LINGO3: variants seen among roughly 807,000 people sequenced by gnomAD.
The protein encoded by LINGO3 is leucine-rich repeat and immunoglobulin-like domain-containing nogo receptor-interacting protein 3.
For missense variants in LINGO3, 750 were observed against 867.7 expected, an observed-to-expected ratio of 0.86 and a Z score of 1.70; for synonymous variants, 427 against 444.2, an observed-to-expected ratio of 0.96 and a Z score of 0.49.
downstream of LINGO3, among the ~76,000 whole-genome samples, chr19:2,288,613 G>A (rs987146071): frequency 2.6e-5 from 4 of 152,328 alleles, no homozygotes; most frequent in East Asian, 3.9e-4. This position sits in a 1 kb window ranked among gnomAD's most constrained non-coding sequence, Gnocchi z 6.5. Flanking sequence ...ACGTGGCAGC[G>A]GAGGGAGGCG....
At chr19:2,306,383 C>T in the LINGO3 span, among the ~76,000 whole-genome samples, 2 of 152,352 alleles carry the variant, frequency 1.3e-5, no homozygotes, top group East Asian at 1.9e-4. Context: ...CCGGGGCCAA[C>T]TTTGCTCGCA....
At chr19:2,288,555 A>T (rs1245878322), downstream of LINGO3, among the ~76,000 whole-genome samples, 1 of 152,034 alleles carries the variant, frequency 6.6e-6, no homozygotes, top group Non-Finnish European at 1.5e-5. This position sits in a 1 kb window ranked among gnomAD's most constrained non-coding sequence, Gnocchi z 6.5. Context: ...CAGGGTGGCC[A>T]CCTCTCCCTT....
At chr19:2,305,444 G>A in the LINGO3 span, among the ~76,000 whole-genome samples, 1 of 152,070 alleles carries the variant, frequency 6.6e-6, no homozygotes, top group African/African-American at 2.4e-5. Flanking sequence ...TAGAACAGAG[G>A]TGGCCCTACC....
At chr19:2,302,789 C>T in the LINGO3 span, among the ~76,000 whole-genome samples, 12 of 152,214 alleles carry the variant, frequency 7.9e-5, no homozygotes, top group African/African-American at 2.4e-4. Context: ...GGGGCCGGGC[C>T]GGCGGCAGGG....
chr19:2,292,189 T>TAAA (rs111650972), upstream of LINGO3, among the ~76,000 whole-genome samples: 18 of 142,638 alleles, frequency 1.3e-4, no homozygotes, highest in East Asian at 1.5e-3. Flanking sequence ...CCCCTGTCTC[T>TAAA]TAAAAAAAAA....
At position 2,290,052 on chromosome 19, in the gene LINGO3, C is replaced by T. The variant is rs1568411373; in HGVS notation, c.1725G>A (p.Pro575=). 6.4e-7 allele frequency: 1 copy of T among 1,554,734 alleles called. No individual in the cohort carries two copies. The highest frequency in any genetic ancestry group is 8.7e-7 in the Non-Finnish European group (1 of 1,149,960). ...CGCCTCCCTGGCCCGCCGCGGCGGC[C>T]GGCCCATCCACCTTGCGGAAGGAGT... Residue 575 remains proline (P), a synonymous_variant, in exon 1 of 1, where the codon CCG becomes CCA. Transcript: ENST00000585527. This position sits in a 1 kb window ranked among gnomAD's most constrained non-coding sequence, Gnocchi z 6.0.
At chr19:2,300,227 T>A in the LINGO3 span, among the ~76,000 whole-genome samples, 6 of 151,668 alleles carry the variant, frequency 4.0e-5, no homozygotes, top group African/African-American at 1.5e-4. Context: ...AGACGGGGTT[T>A]CACCTTGTTG....
the LINGO3 span, among the ~76,000 whole-genome samples, chr19:2,299,462 C>A: frequency 1.3e-5 from 2 of 151,730 alleles, no homozygotes; most frequent in Non-Finnish European, 2.9e-5. Context: ...CTCGCTCTGT[C>A]GCCCAGGCTG....
chr19:2,297,735 G>A, the LINGO3 span, among the ~76,000 whole-genome samples: 1 of 151,388 alleles, frequency 6.6e-6, no homozygotes, highest in Non-Finnish European at 1.5e-5. Flanking sequence ...CTACCAAGTA[G>A]CTGGGATTAC....
At chr19:2,305,908 C>T in the LINGO3 span, among the ~76,000 whole-genome samples, 8 of 152,246 alleles carry the variant, frequency 5.3e-5, no homozygotes, top group African/African-American at 1.7e-4. Context: ...CCCCTGCATC[C>T]TCTGCCCTAG....
chr19:2,287,837 G>C (rs929408966), downstream of LINGO3, among the ~76,000 whole-genome samples: 1 of 152,238 alleles, frequency 6.6e-6, no homozygotes, highest in Non-Finnish European at 1.5e-5. This position sits in a 1 kb window ranked among gnomAD's most constrained non-coding sequence, Gnocchi z 4.5. Context: ...GGCAGGAGCA[G>C]AGCTGCTTTT....
chr19:2,287,825 C>T (rs993026517), downstream of LINGO3, among the ~76,000 whole-genome samples: 6 of 152,278 alleles, frequency 3.9e-5, no homozygotes, highest in East Asian at 1.9e-4. The surrounding 1 kb of genome is among the most constrained non-coding windows in gnomAD (Gnocchi z 4.5). Flanking sequence ...ATCACATAGC[C>T]GGGCAGGAGC....
At chr19:2,295,267 G>C (rs367686527), upstream of LINGO3, among the ~76,000 whole-genome samples, 2 of 152,110 alleles carry the variant, frequency 1.3e-5, no homozygotes, top group African/African-American at 4.8e-5. Flanking sequence ...CACAGGCAAC[G>C]GCCAAGTCAC....
chr19:2,298,306 C>G, the LINGO3 span, among the ~76,000 whole-genome samples: 1 of 152,028 alleles, frequency 6.6e-6, no homozygotes, highest in East Asian at 1.9e-4. Context: ...TCTCGGCTCA[C>G]TGCAGCCTCC....
Position 2,290,715 on chromosome 19 carries a change from C to T in LINGO3, c.1062G>A (p.Leu354=). 1 of 1,612,360 alleles carries T rather than the reference C, an allele frequency of 6.2e-7. No individual in the cohort carries two copies. Among genetic ancestry groups the T allele is most frequent in the Non-Finnish European group, 8.5e-7 (1 of 1,179,606 alleles). The change falls in exon 1 of 1, where the codon CTG becomes CTA. Residue 354 remains leucine (L), a synonymous_variant. Coordinates refer to ENST00000585527, the Ensembl canonical transcript of LINGO3. The surrounding 1 kb of genome is among the most constrained non-coding windows in gnomAD (Gnocchi z 6.0). ...TCCACAGCAGGCGACAGTCGCAGGC[C>T]AGCGGGTTCCCGTCCACGCGCAGCG...
chr19:2,294,367 C>T (rs1415503402), upstream of LINGO3, among the ~76,000 whole-genome samples: 1 of 152,150 alleles, frequency 6.6e-6, no homozygotes, highest in African/African-American at 2.4e-5. This position sits in a 1 kb window ranked among gnomAD's most constrained non-coding sequence, Gnocchi z 4.3. Flanking sequence ...TCCAGAGGGC[C>T]CCCGGCCCTG....
At chr19:2,288,102 G>A (rs992409327), downstream of LINGO3, among the ~76,000 whole-genome samples, 7 of 152,188 alleles carry the variant, frequency 4.6e-5, no homozygotes, top group African/African-American at 1.4e-4. The surrounding 1 kb of genome is among the most constrained non-coding windows in gnomAD (Gnocchi z 6.5). Flanking sequence ...TTTGCCCCCC[G>A]TGACAGGATG....
chr19:2,302,214 A>T, the LINGO3 span, among the ~76,000 whole-genome samples: 1 of 151,804 alleles, frequency 6.6e-6, no homozygotes, highest in African/African-American at 2.4e-5. Context: ...GACATGCGCC[A>T]CTACGCCCAG....
Position 2,290,739 on chromosome 19 carries a change from C to A in LINGO3, c.1038G>T (p.Thr346=), listed in dbSNP as rs1222933493. The A allele has an allele frequency of 1.2e-6, 2 of 1,612,570 alleles. No individual in the cohort carries two copies. Among genetic ancestry groups the A allele is most frequent in the East Asian group, 2.2e-5 (1 of 44,868 alleles). The change falls in exon 1 of 1, where the codon ACG becomes ACT. Residue 346 remains threonine, a synonymous_variant. Transcript: ENST00000585527. The surrounding 1 kb of genome is among the most constrained non-coding windows in gnomAD (Gnocchi z 6.0). Reference sequence around the variant, plus strand: ...CCAGCGGGTTCCCGTCCACGCGCAGCGTCTCTAGCGTGTTCACCGAGTGGA... The same window carrying A: ...CCAGCGGGTTCCCGTCCACGCGCAGAGTCTCTAGCGTGTTCACCGAGTGGA...
Sources: allele counts gnomAD v4.1 joint callset (sites outside exome capture counted in the v4.1 genomes callset), GRCh38; gene constraint gnomAD v4.1.1; non-coding constraint Gnocchi (gnomAD v3.1); transcripts MANE v1.5; gene names NCBI Gene and HGNC (gene_info 2026-07-23, HGNC 2026-07-21).